MTERF4: variants seen among roughly 807,000 people sequenced by gnomAD.
MTERF4 encodes transcription termination factor 4, mitochondrial.
In MTERF4, 17 loss-of-function variants were observed where a neutral mutation model predicts 22.5. The ratio of observed to expected loss-of-function variants is 0.75; its 90% CI spans 0.52 to 1.13. The LOEUF is 1.13. Ranked by LOEUF, MTERF4 falls within the 50% of genes most tolerant of loss-of-function variation. MTERF4 has a pLI of 0.00. For missense variants in MTERF4, 420 were observed against 466.8 expected, an observed-to-expected ratio of 0.90 and a Z score of 0.92; for synonymous variants, 165 against 175.3, an observed-to-expected ratio of 0.94 and a Z score of 0.47.
downstream of MTERF4, chr2:241,087,865 T>G: frequency 2.2e-6 from 1 of 449,856 alleles, no homozygotes; most frequent in East Asian, 3.4e-5. Flanking sequence ...TTCAAGGTAG[T>G]TACAAGAATT....
the MTERF4 span, chr2:241,048,634 G>T: frequency 6.3e-7 from 1 of 1,580,446 alleles, no homozygotes; most frequent in Non-Finnish European, 8.6e-7. Context: ...GCCCCCACAT[G>T]GGAGGCTCCT....
rs374952727 is a variant in MTERF4 at position 241,072,446 on chromosome 2, C to T, written n.3716G>A. On this transcript the variant is annotated non_coding_transcript_exon_variant, in exon 5 of 5. Coordinates refer to the MTERF4 transcript ENST00000464344. ...GACATGTTGGCAGGAGTGAGGCAGG[C>T]GCGACCCTGCCCCAGAGGGGACCTC... 5.9e-5 allele frequency: 21 copies of T among 356,830 alleles called. No homozygotes were observed. In the East Asian group the frequency reaches 6.7e-4, roughly 11 times the overall value. 22.1% of individuals were successfully genotyped at this position (356,830 alleles called of 1,614,324 possible).
At chr2:241,052,558 A>G in the MTERF4 span, 36 of 943,504 alleles carry the variant, frequency 3.8e-5, no homozygotes, top group East Asian at 4.9e-4. Context: ...TACATGGGAT[A>G]CCAGTGCCAG....
At chr2:241,070,062 T>A, downstream of MTERF4, 1 of 1,613,106 alleles carries the variant, frequency 6.2e-7, no homozygotes, top group Non-Finnish European at 8.5e-7. Context: ...AGAGCCGCTA[T>A]GTCCCCAACG....
chr2:241,060,917 G>A, the MTERF4 span, among the ~76,000 whole-genome samples: 2 of 151,660 alleles, frequency 1.3e-5, no homozygotes, highest in African/African-American at 4.8e-5. Flanking sequence ...GGGACAGGGT[G>A]AGACCCTGTC....
intron 4 of MTERF4, among the ~76,000 whole-genome samples, chr2:241,078,883 G>C (rs952215456): frequency 1.3e-5 from 2 of 152,112 alleles, no homozygotes; most frequent in African/African-American, 4.8e-5. Flanking sequence ...GGAGGCTGAG[G>C]CAGGTGGATC....
the MTERF4 span, chr2:241,050,008 G>A: frequency 2.8e-6 from 3 of 1,062,638 alleles, no homozygotes; most frequent in Admixed American, 1.7e-5. Flanking sequence ...CTGCTTCTCT[G>A]CTGTCTCTCT....
At chr2:241,102,051 C>CAG in intron 1 of MTERF4, 1 of 555,086 alleles carries the variant, frequency 1.8e-6, no homozygotes, top group Non-Finnish European at 3.0e-6. Context: ...GACTTTGTCT[C>CAG]AAAAAAAAAA....
At chr2:241,081,348 C>T (rs1270267228) in intron 4 of MTERF4, among the ~76,000 whole-genome samples, 1 of 152,180 alleles carries the variant, frequency 6.6e-6, no homozygotes, top group Non-Finnish European at 1.5e-5. Context: ...GGCCACAGGC[C>T]AGTGGGGGCT....
At chr2:241,089,461 G>A, downstream of MTERF4, 1 of 1,538,182 alleles carries the variant, frequency 6.5e-7, no homozygotes, top group Non-Finnish European at 8.8e-7. Flanking sequence ...ACCAAAGGAA[G>A]AGTGTCCACA....
downstream of MTERF4, chr2:241,067,952 G>A (rs776360957): frequency 1.9e-6 from 3 of 1,602,104 alleles, no homozygotes; most frequent in Admixed American, 1.7e-5. Context: ...CTTTAGGTAA[G>A]AAGGGACACC....
the MTERF4 span, chr2:241,049,949 G>A: frequency 1.9e-6 from 3 of 1,598,662 alleles, no homozygotes; most frequent in African/African-American, 1.3e-5. Flanking sequence ...GCGGGCAGGG[G>A]CGTCCGGGCC....
In MTERF4 at chr2:241,098,131, T is replaced by C. The variant is rs576364223; in HGVS notation, c.521-704A>G. ...GAAACTTAAAGTCAACTATTTAAAC[T>C]GTTAATTAAAATTTTCCTAACATTT... On this transcript the variant is annotated intron_variant, in intron 2 of 3. Transcript: ENST00000391980. Among the ~76,000 whole-genome samples, 77 of 152,340 alleles carry C rather than the reference T, an allele frequency of 5.1e-4. 1 individual carries two copies. In the South Asian group the frequency reaches 0.015, roughly 29 times the overall value.
At chr2:241,065,673 C>A in the MTERF4 span, 3 of 1,290,694 alleles carry the variant, frequency 2.3e-6, no homozygotes, top group South Asian at 1.4e-5. Context: ...ACCTGCAGGG[C>A]GGCTGTCATG....
At chr2:241,069,833 G>T, downstream of MTERF4, 1 of 1,465,742 alleles carries the variant, frequency 6.8e-7, no homozygotes, top group Non-Finnish European at 9.2e-7. This position sits in a 1 kb window ranked among gnomAD's most constrained non-coding sequence, Gnocchi z 4.9. Flanking sequence ...CAAGGCTGCG[G>T]CAGCCCATGT....
chr2:241,085,160 A>ACTT (rs1309865493), downstream of MTERF4, among the ~76,000 whole-genome samples: 51 of 151,350 alleles, frequency 3.4e-4, no homozygotes, highest in Admixed American at 2.6e-3. Context: ...ATTTTGTCAA[A>ACTT]CTTCGTAAAA....
chr2:241,061,729 A>T, the MTERF4 span, among the ~76,000 whole-genome samples: 1 of 152,054 alleles, frequency 6.6e-6, no homozygotes, highest in African/African-American at 2.4e-5. Context: ...TACTAAAAAT[A>T]CAAAAATTAG....
chr2:241,051,882 G>A, the MTERF4 span: 2 of 1,520,880 alleles, frequency 1.3e-6, no homozygotes, highest in Non-Finnish European at 1.8e-6. The surrounding 1 kb of genome is among the most constrained non-coding windows in gnomAD (Gnocchi z 4.7). Flanking sequence ...AGGGGCAGGG[G>A]GGAGGGCAGG....
the MTERF4 span, among the ~76,000 whole-genome samples, chr2:241,058,504 GA>G: frequency 6.6e-6 from 1 of 152,120 alleles, no homozygotes; most frequent in Non-Finnish European, 1.5e-5. Context: ...TTAGTTCTTT[GA>G]AAAGCCTAAT....
Sources: allele counts gnomAD v4.1 joint callset (sites outside exome capture counted in the v4.1 genomes callset), GRCh38; gene constraint gnomAD v4.1.1; non-coding constraint Gnocchi (gnomAD v3.1); transcripts MANE v1.5; gene names NCBI Gene and HGNC (gene_info 2026-07-23, HGNC 2026-07-21).